COL5A1: variants seen among roughly 807,000 people sequenced by gnomAD.
COL5A1 encodes the protein collagen type V alpha 1 chain.
COL5A1 carries 16 observed loss-of-function variants against 263.7 expected under a neutral mutation model. That is an observed-to-expected ratio of 0.06 (90% CI 0.04 to 0.09). The LOEUF (loss-of-function observed/expected upper bound fraction) is 0.09. Among genes scored for constraint, COL5A1 ranks in the 10% least tolerant of loss-of-function variants. COL5A1 has a pLI of 1.00. For synonymous variants in COL5A1, 1,012 were observed against 1,004.5 expected (o/e 1.01, Z -0.14); for missense variants, 2,036 against 2,540.5 (o/e 0.80, Z 4.27).
Position 134,754,014 on chromosome 9 carries a change from G to A in COL5A1, c.1773+111G>A. 9.5e-7 allele frequency: 1 copy of A among 1,053,048 alleles called. No homozygotes were observed. Among genetic ancestry groups the A allele is most frequent in the Non-Finnish European group, 1.5e-6 (1 of 679,604 alleles). 65.2% of individuals were successfully genotyped at this position (1,053,048 alleles called of 1,614,324 possible). A position where few individuals can be genotyped will look rare whatever the true frequency, so the allele number is the denominator to read the frequency against. Reference sequence around the variant, plus strand: ...GCTGCATGTTTTCAAGGAAATTCGTGGGAATTGTCCTTGCTTTACGCAGTG... The same window carrying A: ...GCTGCATGTTTTCAAGGAAATTCGTAGGAATTGTCCTTGCTTTACGCAGTG... On this transcript the variant is annotated intron_variant, in intron 15 of 65. Transcript: ENST00000371817. This position sits in a 1 kb window ranked among gnomAD's most constrained non-coding sequence, Gnocchi z 4.3.
intron 4 of COL5A1, among the ~76,000 whole-genome samples, chr9:134,726,873 AGGTGAATG>A (rs1337014928): frequency 6.8e-6 from 1 of 147,288 alleles, no homozygotes; most frequent in South Asian, 2.2e-4. Flanking sequence ...ATGGATGGAT[AGGTGAATG>A]GGTGAATGGA....
intron 2 of COL5A1, 48 bp from the exon 3 acceptor site, chr9:134,699,861 G>A: frequency 6.3e-7 from 1 of 1,584,254 alleles, no homozygotes; most frequent in Non-Finnish European, 8.7e-7. Flanking sequence ...GCTGGGTGTG[G>A]TTGCAGGGGC....
rs1432766105 is a variant in COL5A1, at chr9:134,682,945, A to G, written c.110-7967A>G. Among the ~76,000 whole-genome samples the G allele has an allele frequency of 6.6e-6, 1 of 152,198 alleles. No homozygotes were observed. Among genetic ancestry groups the G allele is most frequent in the South Asian group, 2.1e-4 (1 of 4,830 alleles). The stretch of plus-strand genomic sequence containing the variant: ...GTGCTTAAAGATATTGAACTTGTTT[A>G]GGGGAAAAAAAGGAATTAGAGAAAA... On this transcript the variant is annotated intron_variant, in intron 1 of 65. Coordinates refer to ENST00000371817, the MANE Select transcript of COL5A1 (RefSeq NM_000093.5). The surrounding 1 kb of genome is among the most constrained non-coding windows in gnomAD (Gnocchi z 5.1).
In COL5A1 at chr9:134,752,568, G is replaced by A. The variant is rs376412189; in HGVS notation, c.1663-21G>A. On this transcript the variant is annotated intron_variant, in intron 13 of 65. Coordinates refer to ENST00000371817, the MANE Select transcript of COL5A1 (RefSeq NM_000093.5). ...ACTGCTGCTGGGGCCCTGTCTCAGC[G>A]TGTCTCACTTTCCTTTGCAGTTGGC... 114 of 1,606,248 alleles carry A rather than the reference G, an allele frequency of 7.1e-5. No individual in the cohort carries two copies. The East Asian group carries it at 8.2e-4, about 12-fold the overall frequency.
Position 134,806,261 on chromosome 9 carries a change from G to C in COL5A1, c.3331G>C (p.Gly1111Arg). ...IGIPGRPGPQGPPGPAGEKGA... is the reference protein window; with the variant it reads ...IGIPGRPGPQRPPGPAGEKGA... ...AATTCCAGGGAGACCTGGGCCCCAG[G>C]GACCCCCAGGGCCGGCAGGAGAGAA... Residue 1111 changes from glycine (G) to arginine (R), a missense_variant, in exon 42 of 66, where the codon GGA becomes CGA. By Grantham distance (125) the Gly-to-Arg change is moderately radical (BLOSUM62 -2). This residue lies in a region of COL5A1 where 1,078 missense variants were observed against 1,521.4 expected (regional missense o/e 0.71). Transcript: ENST00000371817. The C allele has an allele frequency of 6.5e-7, 1 of 1,549,900 alleles. No individual in the cohort carries two copies. The highest frequency in any genetic ancestry group is 1.2e-5 in the South Asian group (1 of 84,008).
At chr9:134,707,024 G>A (rs570376766) in intron 4 of COL5A1, among the ~76,000 whole-genome samples, 1 of 152,190 alleles carries the variant, frequency 6.6e-6, no homozygotes, top group Non-Finnish European at 1.5e-5. Flanking sequence ...TCATCTATGG[G>A]CCCTGAGCTG....
At chr9:134,764,765 C>T (rs1288645614) in intron 20 of COL5A1, among the ~76,000 whole-genome samples, 1 of 152,102 alleles carries the variant, frequency 6.6e-6, no homozygotes, top group Non-Finnish European at 1.5e-5. Context: ...GTCTGATTAG[C>T]CTCTAAGGAG....
intron 23 of COL5A1, 53 bp downstream of exon 23, chr9:134,767,106 C>T (rs546755839): frequency 1.3e-5 from 20 of 1,583,318 alleles, no homozygotes; most frequent in Non-Finnish European, 1.4e-5. Context: ...GGGAGGCACA[C>T]GTCTCCAGTC....
intron 30 of COL5A1, among the ~76,000 whole-genome samples, chr9:134,785,509 A>G (rs538928609): frequency 6.6e-6 from 1 of 152,262 alleles, no homozygotes; most frequent in African/African-American, 2.4e-5. Flanking sequence ...GGCTCTGGGC[A>G]TGCAGCCATC....
Position 134,813,932 on chromosome 9 carries a change from C to T in COL5A1, c.3853-51C>T, listed in dbSNP as rs1350346035. ...GCAAATGCTTGAAACCGTAGCACTG[C>T]GTTCATCGCGGTGCTCACCGCTGCC... On this transcript the variant is annotated intron_variant, in intron 48 of 65. Transcript: ENST00000371817. The T allele has an allele frequency of 9.7e-6, 15 of 1,540,060 alleles. No homozygotes were observed. In the East Asian group the frequency reaches 1.5e-4, roughly 15 times the overall value.
chr9:134,716,900 G>A lies in COL5A1; in HGVS notation c.655-10366G>A, dbSNP rs372434282. Among the ~76,000 whole-genome samples, 5 of 152,208 alleles carry A rather than the reference G, an allele frequency of 3.3e-5. No individual in the cohort carries two copies. The highest frequency in any genetic ancestry group is 2.1e-4 in the South Asian group (1 of 4,836). ...TGGACTGGGACTGGAGGCAGCGAGC[G>A]AGGACATGGCGGGGACAGCAGAAAG... On this transcript the variant is annotated intron_variant, in intron 4 of 65. Transcript: ENST00000371817. This position sits in a 1 kb window ranked among gnomAD's most constrained non-coding sequence, Gnocchi z 4.5.
chr9:134,829,580 CACGTGG>C (rs1839500160), intron 63 of COL5A1, among the ~76,000 whole-genome samples: 1 of 150,962 alleles, frequency 6.6e-6, no homozygotes. Flanking sequence ...CCGGGCTCCT[CACGTGG>C]CCTCCCTAAG....
Position 134,706,978 on chromosome 9 carries a change from T to C in COL5A1, c.654+5645T>C, listed in dbSNP as rs1833855909. 2.6e-5 allele frequency among the ~76,000 whole-genome samples: 4 copies of C among 152,228 alleles called. No homozygotes were observed. In the South Asian group the frequency reaches 8.3e-4, roughly 31 times the overall value. ...CAGCACGGGGCTACCTGGCTGCTGATCCGGAGGGCTCCATGCACCTCTCTA... is the reference window on the plus strand; with the variant it reads ...CAGCACGGGGCTACCTGGCTGCTGACCCGGAGGGCTCCATGCACCTCTCTA... On this transcript the variant is annotated intron_variant, in intron 4 of 65. Transcript: ENST00000371817.
chr9:134,655,126 T>A (rs932913436), intron 1 of COL5A1, among the ~76,000 whole-genome samples: 1 of 133,046 alleles, frequency 7.5e-6, no homozygotes, highest in African/African-American at 2.9e-5. Context: ...TGTGTAGGGC[T>A]GGTGTGTGTA....
At chr9:134,781,898 G>A (rs188390939) in intron 28 of COL5A1, among the ~76,000 whole-genome samples, 1 of 152,158 alleles carries the variant, frequency 6.6e-6, no homozygotes, top group African/African-American at 2.4e-5. Flanking sequence ...GTTTACGACC[G>A]GCTGAGTCCC....
At chr9:134,714,849 G>A (rs1172492576) in intron 4 of COL5A1, among the ~76,000 whole-genome samples, 1 of 143,480 alleles carries the variant, frequency 7.0e-6, no homozygotes, top group Non-Finnish European at 1.5e-5. Context: ...TGATGCTGGT[G>A]AAGGTGGTAG....
At chr9:134,753,431 T>A (rs1181361071) in intron 14 of COL5A1, among the ~76,000 whole-genome samples, 1 of 152,082 alleles carries the variant, frequency 6.6e-6, no homozygotes, top group African/African-American at 2.4e-5. Flanking sequence ...GGGTCTGGGC[T>A]CGGTCGCCTC....
At chr9:134,702,886 G>T (rs1564398288) in intron 4 of COL5A1, among the ~76,000 whole-genome samples, 1 of 152,246 alleles carries the variant, frequency 6.6e-6, no homozygotes, top group Admixed American at 6.5e-5. Flanking sequence ...CTGTGGCAAA[G>T]GTTCCATGAG....
chr9:134,684,157 G>C (rs933355301), intron 1 of COL5A1, among the ~76,000 whole-genome samples: 2 of 152,276 alleles, frequency 1.3e-5, no homozygotes, highest in African/African-American at 4.8e-5. Flanking sequence ...CAGCAGGGCA[G>C]GCTGTGACCG....
Sources: allele counts gnomAD v4.1 joint callset (sites outside exome capture counted in the v4.1 genomes callset), GRCh38; gene constraint gnomAD v4.1.1; regional missense constraint gnomAD v4.1.1; non-coding constraint Gnocchi (gnomAD v3.1); transcripts MANE v1.5; gene names NCBI Gene and HGNC (gene_info 2026-07-23, HGNC 2026-07-21).